MYH14: variants seen among roughly 807,000 people sequenced by gnomAD.
MYH14 encodes the protein myosin-14.
In MYH14, 123 loss-of-function variants were observed where a neutral mutation model predicts 255.5. The ratio of observed to expected loss-of-function variants is 0.48; its 90% CI spans 0.42 to 0.56. The LOEUF (loss-of-function observed/expected upper bound fraction) is 0.56. Among genes scored for constraint, MYH14 ranks in the 20% least tolerant of loss-of-function variants. The probability of loss-of-function intolerance (pLI) is 0.00; values close to 1 mark genes in which losing one functional copy is unlikely to be tolerated. For missense variants in MYH14, 2,423 were observed against 2,802.3 expected, an observed-to-expected ratio of 0.86 and a Z score of 3.06; for synonymous variants, 1,095 against 1,161.2, an observed-to-expected ratio of 0.94 and a Z score of 1.16.
In MYH14 at chr19:50,280,042, A is replaced by C; in HGVS notation, c.4038A>C (p.Glu1346Asp). ...TTCCCGTCCCTTCCCTGCAGGCTGA[A>C]CTGGAGAATGTGTCTGGGGCGCTGA... ...AAEKLQRAQA[E>D]LENVSGALNE... The change falls in exon 31 of 43, where the codon GAA becomes GAC. Residue 1346 changes from glutamate (E) to aspartate (D), a missense_variant. Glu to Asp is a conservative substitution (Grantham distance 45). Coordinates refer to ENST00000642316, the MANE Select transcript of MYH14 (RefSeq NM_001145809.2). The surrounding 1 kb of genome is among the most constrained non-coding windows in gnomAD (Gnocchi z 4.8). The C allele has an allele frequency of 6.2e-7, 1 of 1,607,692 alleles. No homozygotes were observed. The highest frequency in any genetic ancestry group is 2.2e-5 in the East Asian group (1 of 44,654).
intron 10 of MYH14, among the ~76,000 whole-genome samples, chr19:50,243,341 C>T (rs1314430909): frequency 6.6e-6 from 1 of 151,862 alleles, no homozygotes; most frequent in Non-Finnish European, 1.5e-5. Context: ...GAGGGTGAGG[C>T]AGGAGAATCG....
intron 39 of MYH14, among the ~76,000 whole-genome samples, chr19:50,300,956 A>G (rs1250176664): frequency 6.6e-6 from 1 of 151,984 alleles, no homozygotes; most frequent in Non-Finnish European, 1.5e-5. Flanking sequence ...TAAGTTAAAA[A>G]AAAAAAACCC....
chr19:50,301,768 G>C lies in MYH14; in HGVS notation c.5577G>C (p.Leu1859=). Residue 1859 remains leucine (L), a synonymous_variant, in exon 40 of 43, where the codon CTG becomes CTC. Transcript: ENST00000642316. ...AGATCCAGGAGCTACGGGGACGCCTGGGTGAGGAGGATGCTGGGGCCCGTG... is the reference window on the plus strand; with the variant it reads ...AGATCCAGGAGCTACGGGGACGCCTCGGTGAGGAGGATGCTGGGGCCCGTG... ...ERQIQELRGR[L]GEEDAGARAR... 6.2e-7 allele frequency: 1 copy of C among 1,613,914 alleles called. No homozygotes were observed. Among genetic ancestry groups the C allele is most frequent in the Non-Finnish European group, 8.5e-7 (1 of 1,179,888 alleles).
chr19:50,217,548 C>T, intron 2 of MYH14, 67 bp from the exon 3 acceptor site: 1 of 1,594,378 alleles, frequency 6.3e-7, no homozygotes, highest in Non-Finnish European at 8.6e-7. Context: ...GCCTGCTCAG[C>T]AGCCCCATGA....
chr19:50,292,372 G>A lies in MYH14; in HGVS notation c.5239G>A (p.Val1747Met). ...EKRLKGLEAE[V>M]LRLQEELAAS... ...GCGCCTCAAGGGCCTGGAGGCTGAG[G>A]TGCTGCGGCTGCAGGAGGTGAGGCT... The change falls in exon 37 of 43, where the codon GTG becomes ATG. Residue 1747 changes from valine to methionine, a missense_variant. Physicochemically the swap from Val to Met is conservative, Grantham distance 21 (BLOSUM62 1). Around this residue, in one of 3 missense-constraint regions of MYH14, gnomAD observed 1,513 missense variants for 1,674.8 expected, o/e 0.90. Transcript: ENST00000642316. The A allele has an allele frequency of 6.3e-7, 1 of 1,587,500 alleles. No individual in the cohort carries two copies. Among genetic ancestry groups the A allele is most frequent in the Non-Finnish European group, 8.6e-7 (1 of 1,167,644 alleles).
chr19:50,212,118 G>A (rs1004939415), intron 2 of MYH14, among the ~76,000 whole-genome samples: 6 of 152,166 alleles, frequency 3.9e-5, no homozygotes, highest in Admixed American at 6.5e-5. Context: ...TACAGCAAAC[G>A]GATGGGGTAG....
rs62112646 is a variant in MYH14 at position 50,221,722 on chromosome 19, T to C, written c.563-1361T>C. On this transcript the variant is annotated intron_variant, in intron 3 of 42. Coordinates refer to ENST00000642316, the MANE Select transcript of MYH14 (RefSeq NM_001145809.2). The surrounding 1 kb of genome is among the most constrained non-coding windows in gnomAD (Gnocchi z 5.3). ...GAACTCCTGACTTCGGGTGATCTGCTGGCCTCGGCCTCCCAAAGTGCTGGG... is the reference window on the plus strand; with the variant it reads ...GAACTCCTGACTTCGGGTGATCTGCCGGCCTCGGCCTCCCAAAGTGCTGGG... 0.5 allele frequency among the ~76,000 whole-genome samples: 75,497 copies of C among 151,580 alleles called. 21,493 individuals are homozygous for C. Among genetic ancestry groups the C allele is most frequent in the Non-Finnish European group, 0.64 (43,177 of 67,746 alleles).
At chr19:50,286,398 C>G in intron 33 of MYH14, 84 bp from the exon 34 acceptor site, 3 of 1,281,722 alleles carry the variant, frequency 2.3e-6, no homozygotes, top group Non-Finnish European at 3.2e-6. Context: ...TTTCTCTGTT[C>G]CTGGCTGCTC....
In MYH14 at chr19:50,276,736, CT is replaced by C; in HGVS notation, c.3681-20del. The C allele has an allele frequency of 6.2e-7, 1 of 1,613,214 alleles. No homozygotes were observed. The highest frequency in any genetic ancestry group is 8.5e-7 in the Non-Finnish European group (1 of 1,179,854). On this transcript the variant is annotated intron_variant, in intron 28 of 42. Coordinates refer to ENST00000642316, the MANE Select transcript of MYH14 (RefSeq NM_001145809.2). This position sits in a 1 kb window ranked among gnomAD's most constrained non-coding sequence, Gnocchi z 4.3. ...TCCTCTGCTCTGAAATTCCCATCCT[CT>C]CTCCTTTCCCCCAATAAAGGTCCAA...
In MYH14 at chr19:50,261,641, C is replaced by T; in HGVS notation, c.2585+6C>T. ...CGGGGATACCTGGCTCGCAGGTGGG[C>T]AGCCACGCTGTCTCCCGGGGTCCTG... On this transcript the variant is annotated splice_donor_region_variant and intron_variant, in intron 21 of 42. Transcript: ENST00000642316. 1 of 1,590,868 alleles carries T rather than the reference C, an allele frequency of 6.3e-7. No individual in the cohort carries two copies. The highest frequency in any genetic ancestry group is 8.5e-7 in the Non-Finnish European group (1 of 1,170,516).
At chr19:50,305,145 A>G (rs979487400) in intron 40 of MYH14, among the ~76,000 whole-genome samples, 1 of 151,992 alleles carries the variant, frequency 6.6e-6, no homozygotes, top group Non-Finnish European at 1.5e-5. Flanking sequence ...AGCTCTAGGT[A>G]TAGAAAGATC....
At chr19:50,207,098 A>G (rs2031806625) in intron 1 of MYH14, among the ~76,000 whole-genome samples, 1 of 140,792 alleles carries the variant, frequency 7.1e-6, no homozygotes, top group Admixed American at 7.6e-5. Context: ...GATGGTGCGC[A>G]CCTGTGGTCC....
At chr19:50,249,270 CT>C (rs2034260166) in intron 13 of MYH14, 131 bp downstream of exon 13, 8 of 1,090,984 alleles carry the variant, frequency 7.3e-6, no homozygotes, top group Non-Finnish European at 1.0e-5. Flanking sequence ...GTTCCCCCCT[CT>C]CTCTGGTCTC....
rs1195785912 is a variant in MYH14 at position 50,281,724 on chromosome 19, A to G, written c.4421A>G (p.Asp1474Gly). Residue 1474 changes from aspartate to glycine, a missense_variant, in exon 33 of 43, where the codon GAT (aspartate) becomes GGT (glycine). Transcript: ENST00000642316. The stretch of plus-strand genomic sequence containing the variant: ...CTGGCAGAAAAGACAGAGACCGTGG[A>G]TCGGCTGGAGCGGGGCCGCCGCCGG... Reference protein sequence around the residue: ...QRLAEKTETVDRLERGRRRLQ... With the variant: ...QRLAEKTETVGRLERGRRRLQ... The G allele has an allele frequency of 6.2e-7, 1 of 1,612,230 alleles. No individual in the cohort carries two copies. The highest frequency in any genetic ancestry group is 8.5e-7 in the Non-Finnish European group (1 of 1,179,668).
chr19:50,222,006 T>G (rs975347816), intron 3 of MYH14, among the ~76,000 whole-genome samples: 2 of 152,162 alleles, frequency 1.3e-5, no homozygotes, highest in African/African-American at 2.4e-5. Context: ...CATTTGGGGC[T>G]GGATGATTCT....
At chr19:50,210,962 C>T (rs926328013) in intron 2 of MYH14, among the ~76,000 whole-genome samples, 192 bp downstream of exon 2, 1 of 152,204 alleles carries the variant, frequency 6.6e-6, no homozygotes, top group East Asian at 1.9e-4. Context: ...TCGGAACCTA[C>T]TGGGGACATT....
In MYH14 at chr19:50,309,637, C is replaced by A; in HGVS notation, c.5961-3C>A. 1 of 1,608,726 alleles carries A rather than the reference C, an allele frequency of 6.2e-7. No homozygotes were observed. The highest frequency in any genetic ancestry group is 8.5e-7 in the Non-Finnish European group (1 of 1,177,676). ...TCTGTATCCTGGTCTCTCCTCCCCA[C>A]AGACGCGGCCCCCTCACCTTCACCA... On this transcript the variant is annotated splice_region_variant and splice_polypyrimidine_tract_variant and intron_variant, in intron 42 of 42. Coordinates refer to ENST00000642316, the MANE Select transcript of MYH14 (RefSeq NM_001145809.2).
intron 1 of MYH14, among the ~76,000 whole-genome samples, chr19:50,205,875 C>T (rs2031716048): frequency 6.6e-6 from 1 of 151,904 alleles, no homozygotes; most frequent in South Asian, 2.1e-4. Context: ...CTCCGGAAAC[C>T]CAGCGCTAGA....
intron 8 of MYH14, among the ~76,000 whole-genome samples, chr19:50,227,771 C>T (rs1172718132): frequency 6.6e-6 from 1 of 152,182 alleles, no homozygotes; most frequent in Non-Finnish European, 1.5e-5. Context: ...GCCAAGAAAT[C>T]GTACCAACCT....
Sources: allele counts gnomAD v4.1 joint callset (sites outside exome capture counted in the v4.1 genomes callset), GRCh38; gene constraint gnomAD v4.1.1; regional missense constraint gnomAD v4.1.1; non-coding constraint Gnocchi (gnomAD v3.1); transcripts MANE v1.5; gene names NCBI Gene and HGNC (gene_info 2026-07-23, HGNC 2026-07-21).